The following GTF2A1L variants were observed in gnomAD, a reference collection of about 807,000 sequenced individuals.
GTF2A1L encodes TFIIA-alpha and beta-like factor.
GTF2A1L carries 48 observed loss-of-function variants against 49.7 expected under a neutral mutation model. The observed-to-expected ratio is 0.97, with a 90% CI of 0.77 to 1.23. The LOEUF is 1.23. Ranked by LOEUF, GTF2A1L falls within the 50% of genes most tolerant of loss-of-function variation. The pLI is 0.00. For synonymous variants in GTF2A1L, 246 were observed against 193.5 expected (o/e 1.27, Z -2.25); for missense variants, 736 against 564.8 (o/e 1.30, Z -3.07).
At chr2:48,630,853 C>T (rs1386869049) in intron 3 of GTF2A1L, among the ~76,000 whole-genome samples, 5 of 152,026 alleles carry the variant, frequency 3.3e-5, no homozygotes, top group Non-Finnish European at 5.9e-5. Flanking sequence ...AAGCTTTTTC[C>T]ATGTATATTG....
intron 6 of GTF2A1L, among the ~76,000 whole-genome samples, chr2:48,650,602 T>C (rs1677792918): frequency 6.6e-6 from 1 of 152,212 alleles, no homozygotes; most frequent in African/African-American, 2.4e-5. Context: ...TAAATACTTT[T>C]TGAGTCTCTA....
intron 3 of GTF2A1L, among the ~76,000 whole-genome samples, chr2:48,636,966 A>T (rs1676929086): frequency 6.6e-6 from 1 of 152,142 alleles, no homozygotes; most frequent in Admixed American, 6.6e-5. Flanking sequence ...AGGAACAGGG[A>T]CACTGAGAGG....
intron 6 of GTF2A1L, among the ~76,000 whole-genome samples, chr2:48,666,348 G>A (rs61491288): frequency 2.6e-5 from 4 of 151,976 alleles, no homozygotes; most frequent in African/African-American, 9.7e-5. Flanking sequence ...TGGGATTACA[G>A]GCATGTGCCA....
intron 5 of GTF2A1L, among the ~76,000 whole-genome samples, chr2:48,645,756 C>T (rs1677462559): frequency 1.3e-5 from 2 of 152,210 alleles, no homozygotes; most frequent in Admixed American, 1.3e-4. Flanking sequence ...TCACGCCATT[C>T]TCCTGCCTCA....
chr2:48,667,444 C>T lies in GTF2A1L; in HGVS notation c.979-2278C>T, dbSNP rs1046948105. On this transcript the variant is annotated intron_variant, in intron 6 of 8. Coordinates refer to ENST00000403751, the MANE Select transcript of GTF2A1L (RefSeq NM_006872.5). ...AAAAGTTGTGATTTTGTAATTTATC[C>T]AGCTTTTGTTCATTGTTAGTATGGT... is the stretch of plus-strand genomic sequence containing the variant. Among the ~76,000 whole-genome samples the T allele has an allele frequency of 3.3e-5, 5 of 152,218 alleles. No individual in the cohort carries two copies. The South Asian group carries it at 8.3e-4, about 25-fold the overall frequency.
chr2:48,643,470 T>G lies in GTF2A1L; in HGVS notation c.303+1013T>G, dbSNP rs190003327. On this transcript the variant is annotated intron_variant, in intron 4 of 8. Transcript: ENST00000403751. ...TAAGAACAGCCAAAACCACACACCT[T>G]AATAGGATTTTTGGAAAGAATGGTG... is the stretch of plus-strand genomic sequence containing the variant. Among the ~76,000 whole-genome samples the G allele has an allele frequency of 1.1e-4, 17 of 152,300 alleles. No individual in the cohort carries two copies. In the East Asian group the frequency reaches 3.3e-3, roughly 29 times the overall value.
intron 1 of GTF2A1L, among the ~76,000 whole-genome samples, chr2:48,620,155 A>G (rs1675900654): frequency 6.6e-6 from 1 of 152,212 alleles, no homozygotes; most frequent in Non-Finnish European, 1.5e-5. Context: ...ATAAAGAGGT[A>G]AATTGAAAAC....
At chr2:48,657,182 G>A (rs1678226826) in intron 6 of GTF2A1L, among the ~76,000 whole-genome samples, 1 of 152,038 alleles carries the variant, frequency 6.6e-6, no homozygotes, top group Non-Finnish European at 1.5e-5. Flanking sequence ...TGAGGTTTGG[G>A]GTGTGATTGA....
intron 3 of GTF2A1L, among the ~76,000 whole-genome samples, chr2:48,625,868 C>T (rs1328073666): frequency 2.8e-5 from 4 of 144,044 alleles, no homozygotes; most frequent in African/African-American, 7.4e-5. Flanking sequence ...CAGATGTGAG[C>T]GACTGTGCCT....
At chr2:48,628,709 C>T (rs1462235749) in intron 3 of GTF2A1L, among the ~76,000 whole-genome samples, 1 of 143,790 alleles carries the variant, frequency 7.0e-6, no homozygotes, top group Non-Finnish European at 1.6e-5. Context: ...TGCAGAAGCT[C>T]TATAGTTTAA....
chr2:48,641,890 A>G (rs1242528517), intron 3 of GTF2A1L, among the ~76,000 whole-genome samples: 1 of 152,150 alleles, frequency 6.6e-6, no homozygotes, highest in Non-Finnish European at 1.5e-5. Flanking sequence ...CAGAGACTTG[A>G]GGAGACATGT....
intron 6 of GTF2A1L, among the ~76,000 whole-genome samples, chr2:48,658,305 C>T (rs953169507): frequency 1.3e-5 from 2 of 152,210 alleles, no homozygotes; most frequent in Non-Finnish European, 2.9e-5. Flanking sequence ...AGTCCAGTTT[C>T]ATTCTTCTGC....
At chr2:48,643,949 A>G (rs1677351024) in intron 4 of GTF2A1L, among the ~76,000 whole-genome samples, 1 of 151,986 alleles carries the variant, frequency 6.6e-6, no homozygotes, top group East Asian at 1.9e-4. Flanking sequence ...TCCACCCACC[A>G]TGGCCTCCCA....
At chr2:48,636,420 G>A (rs1676890514) in intron 3 of GTF2A1L, among the ~76,000 whole-genome samples, 3 of 152,146 alleles carry the variant, frequency 2.0e-5, no homozygotes. Context: ...GGTTGTTCCT[G>A]CTGTTTTTGT....
At chr2:48,631,677 A>G (rs1288624040) in intron 3 of GTF2A1L, among the ~76,000 whole-genome samples, 2 of 151,682 alleles carry the variant, frequency 1.3e-5, no homozygotes, top group Non-Finnish European at 1.5e-5. Flanking sequence ...TTTCACTCCG[A>G]TTGTAGTTAT....
At chr2:48,618,257 A>C (rs964690631) in intron 1 of GTF2A1L, 2 of 268,266 alleles carry the variant, frequency 7.5e-6, no homozygotes, top group African/African-American at 4.4e-5. Flanking sequence ...GGACATTGTT[A>C]ATTCCAAGCT....
intron 6 of GTF2A1L, among the ~76,000 whole-genome samples, chr2:48,662,368 G>C (rs978232898): frequency 1.3e-5 from 2 of 152,110 alleles, no homozygotes; most frequent in African/African-American, 4.8e-5. Flanking sequence ...ATTTTGTGTA[G>C]CTTCAAGTTA....
intron 6 of GTF2A1L, among the ~76,000 whole-genome samples, chr2:48,664,844 A>G (rs994262174): frequency 1.1e-4 from 16 of 151,998 alleles, no homozygotes; most frequent in African/African-American, 3.9e-4. Context: ...TTAATTCTTA[A>G]TACTGTTTGC....
intron 6 of GTF2A1L, among the ~76,000 whole-genome samples, chr2:48,665,400 A>C (rs866672918): frequency 4.7e-5 from 7 of 150,036 alleles, no homozygotes; most frequent in South Asian, 2.1e-4. Context: ...TAGTTTCTTA[A>C]GGTGGGATAT....
Sources: allele counts gnomAD v4.1 joint callset (sites outside exome capture counted in the v4.1 genomes callset), GRCh38; gene constraint gnomAD v4.1.1; transcripts MANE v1.5; gene names NCBI Gene and HGNC (gene_info 2026-07-23, HGNC 2026-07-21).